The following IPPK variants were observed in gnomAD, a reference collection of about 807,000 sequenced individuals.
The protein encoded by IPPK is IPK1 homolog.
IPPK carries 22 observed loss-of-function variants against 64.6 expected under a neutral mutation model. That is an observed-to-expected ratio of 0.34 (90% CI 0.24 to 0.49). The LOEUF is 0.49. IPPK is among the 20% of genes least tolerant of loss of function. The pLI, the probability that IPPK is intolerant of heterozygous loss-of-function variation, is 0.99. For missense variants in IPPK, 532 were observed against 630.7 expected (o/e 0.84, Z 1.68); for synonymous variants, 262 against 247.2 (o/e 1.06, Z -0.56).
intron 1 of IPPK, among the ~76,000 whole-genome samples, chr9:92,658,960 CAAT>C (rs1019539173): frequency 6.6e-5 from 10 of 152,282 alleles, no homozygotes; most frequent in Admixed American, 3.3e-4. Context: ...AAATGCCCAA[CAAT>C]AATGAGATGG....
At chr9:92,642,906 T>C (rs980515540) in intron 6 of IPPK, 96 bp from the exon 7 acceptor site, 10 of 999,446 alleles carry the variant, frequency 1.0e-5, no homozygotes, top group Admixed American at 6.9e-5. Flanking sequence ...ATGAAGACAA[T>C]GAAGACGAGC....
At chr9:92,649,322 G>A in intron 5 of IPPK, 131 bp downstream of exon 5, 1 of 1,035,010 alleles carries the variant, frequency 9.7e-7, no homozygotes, top group Non-Finnish European at 1.4e-6. Context: ...AACAAGTGGA[G>A]TTTCCAGGAG....
intron 11 of IPPK, 62 bp downstream of exon 11, chr9:92,634,320 CAAAA>C: frequency 2.5e-6 from 3 of 1,182,368 alleles, no homozygotes; most frequent in South Asian, 1.3e-5. Flanking sequence ...ATACAAAAAA[CAAAA>C]AAACAGATTA....
chr9:92,629,518 G>A (rs985608661), intron 11 of IPPK, among the ~76,000 whole-genome samples: 2 of 152,030 alleles, frequency 1.3e-5, no homozygotes, highest in East Asian at 1.9e-4. Context: ...TTGGGAGGCC[G>A]AGGTGGGTGG....
rs773765920 is a variant in IPPK, at chr9:92,615,294, G to A, written c.*538C>T. Reference sequence around the variant, plus strand: ...TACACTGCTCAGAATCGGCATCTGCGCGACCACGAGGTCACGCTGTGCAGC... The same window carrying A: ...TACACTGCTCAGAATCGGCATCTGCACGACCACGAGGTCACGCTGTGCAGC... On this transcript the variant is annotated 3_prime_UTR_variant, in exon 13 of 13. Transcript: ENST00000287996. The A allele has an allele frequency of 6.3e-6, 1 of 159,990 alleles. No homozygotes were observed. The highest frequency in any genetic ancestry group is 2.4e-5 in the African/African-American group (1 of 41,466). The allele number at this position is 159,990 out of a possible 1,614,324, so 9.9% of individuals were successfully genotyped here. A position where few individuals can be genotyped will look rare whatever the true frequency, so the allele number is the denominator to read the frequency against.
chr9:92,648,733 T>G (rs547705134), intron 5 of IPPK, among the ~76,000 whole-genome samples: 17 of 152,238 alleles, frequency 1.1e-4, no homozygotes, highest in African/African-American at 3.9e-4. Flanking sequence ...GCCAGGAGTG[T>G]GACCCAGAAA....
intron 9 of IPPK, among the ~76,000 whole-genome samples, chr9:92,637,728 G>C (rs575316990): frequency 6.6e-6 from 1 of 152,372 alleles, no homozygotes; most frequent in Non-Finnish European, 1.5e-5. Context: ...CAACAAACCA[G>C]AGAGGACCAC....
Position 92,614,225 on chromosome 9 carries a change from C to G in IPPK, c.*1607G>C, listed in dbSNP as rs577090702. The G allele has an allele frequency of 6.5e-6, 1 of 153,012 alleles. No individual in the cohort carries two copies. Among genetic ancestry groups the G allele is most frequent in the South Asian group, 2.1e-4 (1 of 4,834 alleles). 9.5% of individuals were successfully genotyped at this position (153,012 alleles called of 1,614,324 possible). On this transcript the variant is annotated 3_prime_UTR_variant, in exon 13 of 13. Coordinates refer to ENST00000287996, the MANE Select transcript of IPPK (RefSeq NM_022755.6). ...CTCACATGTGCACTTGAACCCAGGACCCAGCATCCTCCACACACCGTGACA... is the reference window on the plus strand; with the variant it reads ...CTCACATGTGCACTTGAACCCAGGAGCCAGCATCCTCCACACACCGTGACA...
At chr9:92,621,012 T>A (rs986823824) in intron 11 of IPPK, among the ~76,000 whole-genome samples, 2 of 152,238 alleles carry the variant, frequency 1.3e-5, no homozygotes, top group Non-Finnish European at 2.9e-5. Context: ...ATCTGCTATC[T>A]GGCGAGAGCC....
chr9:92,616,091 A>G, intron 12 of IPPK, 34 bp from the exon 13 acceptor site: 2 of 1,457,530 alleles, frequency 1.4e-6, no homozygotes, highest in Non-Finnish European at 1.9e-6. Flanking sequence ...AGGATACACA[A>G]GCCCCCCATT....
intron 6 of IPPK, among the ~76,000 whole-genome samples, chr9:92,646,828 G>T (rs1198411908): frequency 3.9e-5 from 6 of 152,024 alleles, no homozygotes; most frequent in Non-Finnish European, 8.8e-5. Context: ...ATGATGGCGG[G>T]CGCCTATAGT....
chr9:92,656,497 C>T lies in IPPK; in HGVS notation c.184G>A (p.Val62Ile). 6.2e-7 allele frequency: 1 copy of T among 1,613,834 alleles called. No individual in the cohort carries two copies. Among genetic ancestry groups the T allele is most frequent in the Non-Finnish European group, 8.5e-7 (1 of 1,179,658 alleles). Reference protein sequence around the residue: ...LQNIVDFGKNVMKEFLGENYV... With the variant: ...LQNIVDFGKNIMKEFLGENYV... Reference sequence around the variant, plus strand: ...TTCTCCCCCAAAAACTCCTTCATGACATTTTTCCCAAAGTCCACTATGTTC... The same window carrying T: ...TTCTCCCCCAAAAACTCCTTCATGATATTTTTCCCAAAGTCCACTATGTTC... Residue 62 changes from valine to isoleucine, a missense_variant, in exon 3 of 13, where the codon GTC (valine) becomes ATC (isoleucine). Val to Ile is a conservative substitution (Grantham distance 29). Transcript: ENST00000287996.
intron 6 of IPPK, among the ~76,000 whole-genome samples, chr9:92,646,933 G>A (rs1322284792): frequency 6.6e-6 from 1 of 152,002 alleles, no homozygotes; most frequent in Non-Finnish European, 1.5e-5. Flanking sequence ...AACACACTAA[G>A]CCCAATCCAA....
intron 11 of IPPK, among the ~76,000 whole-genome samples, chr9:92,625,591 C>T (rs137960906): frequency 2.6e-5 from 4 of 152,270 alleles, no homozygotes; most frequent in Admixed American, 2.0e-4. Context: ...GTTGGGCTTG[C>T]ATAAGGTAAG....
Position 92,656,548 on chromosome 9 carries a change from A to T in IPPK, c.133T>A (p.Ser45Thr). The change falls in exon 3 of 13, where the codon TCG (serine) becomes ACG (threonine). Residue 45 changes from serine (S) to threonine (T), a missense_variant. Ser to Thr is a moderately conservative substitution (Grantham distance 58). Coordinates refer to ENST00000287996, the MANE Select transcript of IPPK (RefSeq NM_022755.6). ...TGCAGGTGTTGAAATATCTCTTCCG[A>T]GGTCTGTAAGAGACAACCACAGGAC... ...LKFPPNRKKT[S>T]EEIFQHLQNI... is the part of the protein sequence containing the mutation. The T allele has an allele frequency of 1.2e-6, 2 of 1,605,736 alleles. No individual in the cohort carries two copies. Among genetic ancestry groups the T allele is most frequent in the South Asian group, 1.1e-5 (1 of 90,910 alleles).
chr9:92,621,278 C>T (rs1201995761), intron 11 of IPPK, among the ~76,000 whole-genome samples: 1 of 152,022 alleles, frequency 6.6e-6, no homozygotes, highest in East Asian at 1.9e-4. Context: ...AAATATCAGA[C>T]ATCTGGAATA....
chr9:92,644,105 G>C (rs1466378144), intron 6 of IPPK, among the ~76,000 whole-genome samples: 1 of 152,116 alleles, frequency 6.6e-6, no homozygotes, highest in Non-Finnish European at 1.5e-5. Flanking sequence ...AGAAAAGAAG[G>C]GGTGATGTTG....
Position 92,669,958 on chromosome 9 carries a change from A to G in IPPK, c.31T>C (p.Trp11Arg). The change falls in exon 1 of 13, where the codon TGG (tryptophan) becomes CGG (arginine). Residue 11 changes from tryptophan to arginine, a missense_variant. Transcript: ENST00000287996. ...TTATTGCCCTCTCCGTGGTACCCCC[A>G]TTCATTCTCGTCCATCTTCCCCTCT... MEEGKMDENE[W>R]GYHGEGNKSL... The G allele has an allele frequency of 1.2e-6, 2 of 1,613,164 alleles. No homozygotes were observed. Among genetic ancestry groups the G allele is most frequent in the Non-Finnish European group, 1.7e-6 (2 of 1,179,542 alleles).
chr9:92,651,806 C>T (rs1564038082), intron 4 of IPPK, among the ~76,000 whole-genome samples: 1 of 152,202 alleles, frequency 6.6e-6, no homozygotes, highest in African/African-American at 2.4e-5. Flanking sequence ...ATCTCTGCCT[C>T]CCGGGTTCCA....
Sources: gnomAD v4.1 joint callset for allele counts (sites outside exome capture counted in the v4.1 genomes callset) on GRCh38, gnomAD v4.1.1 for gene constraint, MANE v1.5 for transcripts, NCBI Gene and HGNC (gene_info 2026-07-23, HGNC 2026-07-21) for gene names.